Variants in SRC observed in about 807,000 individuals in gnomAD.
SRC encodes SRC proto-oncogene, non-receptor tyrosine kinase.
SRC carries 13 observed loss-of-function variants against 62.9 expected under a neutral mutation model. The ratio of observed to expected loss-of-function variants is 0.21; its 90% CI spans 0.13 to 0.33. The LOEUF is 0.33. Ranked by LOEUF, SRC falls within the 10% of genes least tolerant of loss-of-function variation. The pLI, the probability that SRC is intolerant of heterozygous loss-of-function variation, is 1.00. For synonymous variants in SRC, 302 were observed against 317.5 expected (o/e 0.95, Z 0.52); for missense variants, 457 against 737.3 (o/e 0.62, Z 4.40).
rs949333683 is a variant in SRC at position 37,351,717 on chromosome 20, G to A, written c.-247+5462G>A. On this transcript the variant is annotated intron_variant, in intron 1 of 13. Coordinates refer to ENST00000373578, the MANE Select transcript of SRC (RefSeq NM_198291.3). The surrounding 1 kb of genome is among the most constrained non-coding windows in gnomAD (Gnocchi z 4.4). ...CTGGGTCATAATAAGGTGACCCATT[G>A]TGTCCCTTGCTCCATCCTGGGAGCA... Among the ~76,000 whole-genome samples the A allele has an allele frequency of 3.3e-5, 5 of 152,190 alleles. No homozygotes were observed. Among genetic ancestry groups the A allele is most frequent in the Non-Finnish European group, 5.9e-5 (4 of 68,032 alleles).
rs1413904310 is a variant in SRC at position 37,384,550 on chromosome 20, T to TG, written c.250+154dup. On this transcript the variant is annotated intron_variant, in intron 4 of 13. Transcript: ENST00000373578. The surrounding 1 kb of genome is among the most constrained non-coding windows in gnomAD (Gnocchi z 6.7). ...CTGGGTGACTTGGGTGTCCGGGGGG[T>TG]GGGGGGGCGGCCGTACACACTGTGA... 13 of 163,912 alleles carry TG rather than the reference T, an allele frequency of 7.9e-5. No homozygotes were observed. Among genetic ancestry groups the TG allele is most frequent in the Admixed American group, 3.3e-4 (2 of 5,984 alleles). The allele number at this position is 163,912 out of a possible 1,614,324, so 10.2% of individuals were successfully genotyped here. A position where few individuals can be genotyped will look rare whatever the true frequency, so the allele number is the denominator to read the frequency against.
intron 1 of SRC, among the ~76,000 whole-genome samples, chr20:37,358,061 G>A (rs1024743543): frequency 2.0e-5 from 3 of 152,206 alleles, no homozygotes; most frequent in African/African-American, 4.8e-5. Flanking sequence ...AAGCAGGAAC[G>A]AAGGGTTCAA....
In SRC at chr20:37,403,726, T is replaced by C; in HGVS notation, c.*347T>C. 1 of 355,512 alleles carries C rather than the reference T, an allele frequency of 2.8e-6. No individual in the cohort carries two copies. The highest frequency in any genetic ancestry group is 5.2e-6 in the Non-Finnish European group (1 of 190,794). The allele number at this position is 355,512 out of a possible 1,614,324, so 22.0% of individuals were successfully genotyped here. ...GTGCCCTTTTCCAGCCTCAGCCTAC[T>C]CCGCTCACTGAACTCCTTCCCCACT... On this transcript the variant is annotated 3_prime_UTR_variant, in exon 14 of 14. Transcript: ENST00000373578. This position sits in a 1 kb window ranked among gnomAD's most constrained non-coding sequence, Gnocchi z 7.1.
At position 37,403,943 on chromosome 20, in the gene SRC, C is replaced by A; in HGVS notation, c.*564C>A. ...TGGGCAGCACAAGGCCTTGCCTGGCCTGATGATGGTGGGTGGGTGGGATGA... is the reference window on the plus strand; with the variant it reads ...TGGGCAGCACAAGGCCTTGCCTGGCATGATGATGGTGGGTGGGTGGGATGA... On this transcript the variant is annotated 3_prime_UTR_variant, in exon 14 of 14. Coordinates refer to ENST00000373578, the MANE Select transcript of SRC (RefSeq NM_198291.3). The surrounding 1 kb of genome is among the most constrained non-coding windows in gnomAD (Gnocchi z 7.1). 4.2e-6 allele frequency: 1 copy of A among 239,294 alleles called. No individual in the cohort carries two copies. Among genetic ancestry groups the A allele is most frequent in the Non-Finnish European group, 8.3e-6 (1 of 120,902 alleles). The allele number at this position is 239,294 out of a possible 1,614,324, so 14.8% of individuals were successfully genotyped here.
rs1440380781 is a variant in SRC at position 37,393,967 on chromosome 20, G to A, written c.423G>A (p.Ala141=). 42 of 1,613,926 alleles carry A rather than the reference G, an allele frequency of 2.6e-5. No individual in the cohort carries two copies. The highest frequency in any genetic ancestry group is 6.6e-5 in the South Asian group (6 of 91,080). ...GCTACATCCCCAGCAACTACGTGGC[G>A]CCCTCCGACTCCATCCAGGCTGAGG... is the stretch of plus-strand genomic sequence containing the variant. ...QTGYIPSNYV[A]PSDSIQAEEW... is the part of the protein sequence containing the mutation. Residue 141 remains alanine (A), a synonymous_variant, in exon 6 of 14, where the codon GCG becomes GCA. Transcript: ENST00000373578.
intron 1 of SRC, among the ~76,000 whole-genome samples, chr20:37,359,456 C>T (rs2069932947): frequency 6.6e-6 from 1 of 151,990 alleles, no homozygotes; most frequent in African/African-American, 2.4e-5. Flanking sequence ...CTGGTGGGCT[C>T]GTGGAGGATG....
chr20:37,351,950 G>A lies in SRC; in HGVS notation c.-247+5695G>A, dbSNP rs1347631086. ...GAGGGGTGCGGTGCTGGGGGCAGGTGACCCTGACTCTCTGGGTTCCAGCTC... is the reference window on the plus strand; with the variant it reads ...GAGGGGTGCGGTGCTGGGGGCAGGTAACCCTGACTCTCTGGGTTCCAGCTC... On this transcript the variant is annotated intron_variant, in intron 1 of 13. Transcript: ENST00000373578. The surrounding 1 kb of genome is among the most constrained non-coding windows in gnomAD (Gnocchi z 4.4). Among the ~76,000 whole-genome samples, 6 of 152,242 alleles carry A rather than the reference G, an allele frequency of 3.9e-5. No individual in the cohort carries two copies. The highest frequency in any genetic ancestry group is 8.8e-5 in the Non-Finnish European group (6 of 68,044).
intron 1 of SRC, among the ~76,000 whole-genome samples, chr20:37,357,950 C>G (rs182732695): frequency 2.6e-5 from 4 of 151,926 alleles, no homozygotes; most frequent in African/African-American, 9.7e-5. Context: ...TGGAGTAGAG[C>G]GAGGGGAGGG....
chr20:37,393,090 C>G (rs2070579337), intron 5 of SRC, among the ~76,000 whole-genome samples: 1 of 152,208 alleles, frequency 6.6e-6, no homozygotes, highest in African/African-American at 2.4e-5. Flanking sequence ...TGCCCCATCC[C>G]CATCACACCC....
chr20:37,381,021 C>T (rs1031151613), intron 2 of SRC, among the ~76,000 whole-genome samples: 2 of 152,118 alleles, frequency 1.3e-5, no homozygotes, highest in East Asian at 1.9e-4. Context: ...GTGTTATTCC[C>T]GATCGATAGA....
At chr20:37,369,879 A>G (rs1303377558) in intron 2 of SRC, among the ~76,000 whole-genome samples, 2 of 151,802 alleles carry the variant, frequency 1.3e-5, no homozygotes, top group African/African-American at 4.8e-5. Context: ...GGCTAACTGA[A>G]ACCTTTGCCT....
At chr20:37,392,431 G>A (rs1367702424) in intron 5 of SRC, among the ~76,000 whole-genome samples, 1 of 152,196 alleles carries the variant, frequency 6.6e-6, no homozygotes, top group Non-Finnish European at 1.5e-5. Flanking sequence ...CAGGGATCCA[G>A]GTTCATGTTC....
chr20:37,373,169 T>C (rs1490464577), intron 2 of SRC, among the ~76,000 whole-genome samples: 1 of 134,842 alleles, frequency 7.4e-6, no homozygotes, highest in Non-Finnish European at 1.6e-5. Context: ...CACACATATA[T>C]GTACACACAT....
At chr20:37,380,969 C>T (rs976082446) in intron 2 of SRC, among the ~76,000 whole-genome samples, 1 of 151,934 alleles carries the variant, frequency 6.6e-6, no homozygotes, top group Non-Finnish European at 1.5e-5. Context: ...GAGCATGTTC[C>T]GTGTACTTTT....
Position 37,396,101 on chromosome 20 carries a change from A to G in SRC, c.554-61A>G. 1 of 1,584,802 alleles carries G rather than the reference A, an allele frequency of 6.3e-7. No individual in the cohort carries two copies. The highest frequency in any genetic ancestry group is 1.1e-5 in the South Asian group (1 of 88,558). On this transcript the variant is annotated intron_variant, in intron 7 of 13. Transcript: ENST00000373578. This position sits in a 1 kb window ranked among gnomAD's most constrained non-coding sequence, Gnocchi z 6.1. ...GTCAGGCAGGCACAGAACGGTGTCC[A>G]GAGCAGCGGCCTGCGGGGGGAGAGG...
At chr20:37,385,085 T>A (rs2147055889) in intron 4 of SRC, among the ~76,000 whole-genome samples, 1 of 152,320 alleles carries the variant, frequency 6.6e-6, no homozygotes, top group Middle Eastern at 3.4e-3. Context: ...CCAACGCAGA[T>A]GTACCCAGAT....
intron 2 of SRC, among the ~76,000 whole-genome samples, chr20:37,370,775 TC>T (rs1318263827): frequency 1.3e-5 from 2 of 152,156 alleles, no homozygotes; most frequent in Non-Finnish European, 2.9e-5. Context: ...GGTTATGGTA[TC>T]GGGGTAATAC....
intron 1 of SRC, among the ~76,000 whole-genome samples, chr20:37,361,217 C>A (rs896845481): frequency 6.6e-6 from 1 of 152,128 alleles, no homozygotes; most frequent in Non-Finnish European, 1.5e-5. Context: ...TGGGAGCTTG[C>A]GGCAGGCCCC....
chr20:37,361,695 C>T (rs542604534), intron 1 of SRC, among the ~76,000 whole-genome samples: 9 of 152,304 alleles, frequency 5.9e-5, no homozygotes, highest in South Asian at 4.1e-4. Flanking sequence ...AGATGACCTA[C>T]GGCTGGGAGA....
Sources: allele counts gnomAD v4.1 joint callset (sites outside exome capture counted in the v4.1 genomes callset), GRCh38; gene constraint gnomAD v4.1.1; non-coding constraint Gnocchi (gnomAD v3.1); transcripts MANE v1.5; gene names NCBI Gene and HGNC (gene_info 2026-07-23, HGNC 2026-07-21).